The following PEBP1 variants were observed in gnomAD, a reference collection of about 807,000 sequenced individuals.
PEBP1 encodes phosphatidylethanolamine binding protein 1.
PEBP1 carries 17 observed loss-of-function variants against 22.7 expected under a neutral mutation model. The observed-to-expected ratio is 0.75, with a 90% CI of 0.51 to 1.12. PEBP1 has a LOEUF of 1.12. Ranked by LOEUF, PEBP1 falls within the 50% of genes most tolerant of loss-of-function variation. The probability of loss-of-function intolerance (pLI) is 0.00; values close to 1 mark genes in which losing one functional copy is unlikely to be tolerated. For synonymous variants in PEBP1, 106 were observed against 104.3 expected, an observed-to-expected ratio of 1.02 and a Z score of -0.10; for missense variants, 205 against 243.5, an observed-to-expected ratio of 0.84 and a Z score of 1.05.
At chr12:118,138,491 C>G (rs1335939311) in intron 2 of PEBP1, among the ~76,000 whole-genome samples, 1 of 152,044 alleles carries the variant, frequency 6.6e-6, no homozygotes, top group Admixed American at 6.6e-5. Context: ...CTCCACCTCC[C>G]AGGTTCAAGT....
chr12:118,144,240 A>G (rs1276118906), intron 3 of PEBP1, among the ~76,000 whole-genome samples: 1 of 151,890 alleles, frequency 6.6e-6, no homozygotes, highest in Non-Finnish European at 1.5e-5. Context: ...AGTGGGATGA[A>G]TGAAGAGCAC....
Position 118,136,970 on chromosome 12 carries a change from A to G in PEBP1, c.135+626A>G, listed in dbSNP as rs1020187684. 2.0e-5 allele frequency among the ~76,000 whole-genome samples: 3 copies of G among 152,178 alleles called. No homozygotes were observed. Among genetic ancestry groups the G allele is most frequent in the Admixed American group, 1.3e-4 (2 of 15,270 alleles). ...TTGCAGACGCCACTGCTAGTTGGTT[A>G]TGAAGCTCCGGGCAACAGCGTAAAA... On this transcript the variant is annotated intron_variant, in intron 1 of 3. Coordinates refer to ENST00000261313, the MANE Select transcript of PEBP1 (RefSeq NM_002567.4). This position sits in a 1 kb window ranked among gnomAD's most constrained non-coding sequence, Gnocchi z 5.6.
chr12:118,144,133 G>T (rs190999026), intron 3 of PEBP1, among the ~76,000 whole-genome samples: 2 of 152,226 alleles, frequency 1.3e-5, no homozygotes, highest in South Asian at 2.1e-4. Flanking sequence ...TCATTGATTT[G>T]CTTTGTCCTT....
Position 118,138,158 on chromosome 12 carries a change from G to A in PEBP1, c.245+10G>A, listed in dbSNP as rs762565513. The stretch of plus-strand genomic sequence containing the variant: ...AGGATCCCAAATACAGGTGAGAGGT[G>A]AGAAAGACGAGAAGAGCAGGTCATG... On this transcript the variant is annotated intron_variant, in intron 2 of 3. Coordinates refer to ENST00000261313, the MANE Select transcript of PEBP1 (RefSeq NM_002567.4). 6.5e-7 allele frequency: 1 copy of A among 1,545,886 alleles called. No homozygotes were observed. Among genetic ancestry groups the A allele is most frequent in the South Asian group, 1.1e-5 (1 of 89,100 alleles).
At chr12:118,139,897 T>C (rs1276705778) in intron 3 of PEBP1, among the ~76,000 whole-genome samples, 1 of 152,198 alleles carries the variant, frequency 6.6e-6, no homozygotes, top group Non-Finnish European at 1.5e-5. Context: ...CTCAAGCCTT[T>C]GCCCGGGGTG....
rs937606274 is a variant in PEBP1, at chr12:118,139,529, C to T, written c.324C>T (p.Gly108=). 15 of 1,612,504 alleles carry T rather than the reference C, an allele frequency of 9.3e-6. No individual in the cohort carries two copies. In the African/African-American group the frequency reaches 1.7e-4, roughly 19 times the overall value. ...GCACAGTCCTCTCCGATTATGTGGG[C>T]TCGGGGCCTCCCAAGGGCACAGGTT... is the stretch of plus-strand genomic sequence containing the variant. ...SSGTVLSDYV[G]SGPPKGTGLH... Residue 108 remains glycine, a synonymous_variant, in exon 3 of 4, where the codon GGC becomes GGT. Coordinates refer to ENST00000261313, the MANE Select transcript of PEBP1 (RefSeq NM_002567.4).
At chr12:118,140,782 C>T (rs1297198793) in intron 3 of PEBP1, among the ~76,000 whole-genome samples, 2 of 152,146 alleles carry the variant, frequency 1.3e-5, no homozygotes, top group Non-Finnish European at 2.9e-5. Flanking sequence ...TTGTGATCTA[C>T]CTGCCTCGGT....
At chr12:118,141,286 T>G (rs948635181) in intron 3 of PEBP1, among the ~76,000 whole-genome samples, 29 of 152,142 alleles carry the variant, frequency 1.9e-4, no homozygotes, top group Non-Finnish European at 5.9e-5. Flanking sequence ...CCAGCTAATT[T>G]TTGTATTTTT....
chr12:118,140,575 T>C (rs1015566215), intron 3 of PEBP1, among the ~76,000 whole-genome samples: 2 of 151,730 alleles, frequency 1.3e-5, no homozygotes, highest in Non-Finnish European at 2.9e-5. Context: ...AGTCTTGCTC[T>C]GTCTCCCAGG....
intron 3 of PEBP1, 94 bp downstream of exon 3, chr12:118,139,645 C>A: frequency 1.3e-6 from 1 of 748,474 alleles, no homozygotes; most frequent in Admixed American, 2.4e-5. Flanking sequence ...GCCCTTAACC[C>A]TGCTGGAAAT....
rs1329084577 is a variant in PEBP1, at chr12:118,136,456, C to T, written c.135+112C>T. On this transcript the variant is annotated intron_variant, in intron 1 of 3. Coordinates refer to ENST00000261313, the MANE Select transcript of PEBP1 (RefSeq NM_002567.4). The surrounding 1 kb of genome is among the most constrained non-coding windows in gnomAD (Gnocchi z 5.6). The stretch of plus-strand genomic sequence containing the variant: ...AGGGGCGGTGGGGAGGTTCAGCCTG[C>T]GTGTGTCGAGGCCCCCCCAGGCCAG... 3.1e-6 allele frequency: 4 copies of T among 1,297,330 alleles called. No individual in the cohort carries two copies. The highest frequency in any genetic ancestry group is 3.1e-5 in the African/African-American group (2 of 65,168). The allele number at this position is 1,297,330 out of a possible 1,614,324, so 80.4% of individuals were successfully genotyped here.
Position 118,136,200 on chromosome 12 carries a change from T to G in PEBP1, c.-10T>G, listed in dbSNP as rs1350133769. 9.7e-6 allele frequency: 15 copies of G among 1,544,286 alleles called. No individual in the cohort carries two copies. The highest frequency in any genetic ancestry group is 1.3e-5 in the Non-Finnish European group (15 of 1,146,408). ...GGCACTCCCGGCTGCACGCTCTGCT[T>G]GGCCTCGCCATGCCGGTGGACCTCA... On this transcript the variant is annotated 5_prime_UTR_variant, in exon 1 of 4. Coordinates refer to ENST00000261313, the MANE Select transcript of PEBP1 (RefSeq NM_002567.4). The surrounding 1 kb of genome is among the most constrained non-coding windows in gnomAD (Gnocchi z 5.6).
intron 3 of PEBP1, among the ~76,000 whole-genome samples, chr12:118,141,288 T>G (rs2034111792): frequency 6.6e-6 from 1 of 152,132 alleles, no homozygotes; most frequent in Non-Finnish European, 1.5e-5. Flanking sequence ...AGCTAATTTT[T>G]GTATTTTTAG....
chr12:118,138,181 A>G, intron 2 of PEBP1, 33 bp downstream of exon 2: 1 of 1,405,000 alleles, frequency 7.1e-7, no homozygotes. Context: ...AGAGCAGGTC[A>G]TGCAGAGATG....
chr12:118,138,254 C>A, intron 2 of PEBP1, 106 bp downstream of exon 2: 1 of 767,136 alleles, frequency 1.3e-6, no homozygotes, highest in Non-Finnish European at 2.2e-6. Context: ...GATGCCCCCA[C>A]CCATGCTTAA....
Position 118,144,602 on chromosome 12 carries a change from C to T in PEBP1, c.363C>T (p.Val121=). 1 of 1,613,496 alleles carries T rather than the reference C, an allele frequency of 6.2e-7. No individual in the cohort carries two copies. Among genetic ancestry groups the T allele is most frequent in the Middle Eastern group, 1.6e-4 (1 of 6,062 alleles). Residue 121 remains valine, a synonymous_variant, in exon 4 of 4, where the codon GTC becomes GTT. Coordinates refer to ENST00000261313, the MANE Select transcript of PEBP1 (RefSeq NM_002567.4). ...PPKGTGLHRY[V]WLVYEQDRPL... ...TCCCCACAGGCCTCCACCGCTATGT[C>T]TGGCTGGTTTACGAGCAGGACAGGC...
At position 118,136,263 on chromosome 12, in the gene PEBP1, C is replaced by T. The variant is rs910868114; in HGVS notation, c.54C>T (p.Asp18=). The change falls in exon 1 of 4, where the codon GAC becomes GAT. Residue 18 remains aspartate (D), a synonymous_variant. Coordinates refer to ENST00000261313, the MANE Select transcript of PEBP1 (RefSeq NM_002567.4). This position sits in a 1 kb window ranked among gnomAD's most constrained non-coding sequence, Gnocchi z 5.6. ...WSGPLSLQEV[D]EQPQHPLHVT... is the part of the protein sequence containing the mutation. ...GGCCCTTGAGCCTGCAAGAAGTGGA[C>T]GAGCAGCCGCAGCACCCGCTGCATG... 1.3e-6 allele frequency: 2 copies of T among 1,547,078 alleles called. No individual in the cohort carries two copies. Among genetic ancestry groups the T allele is most frequent in the East Asian group, 2.4e-5 (1 of 40,890 alleles).
At chr12:118,138,523 C>T (rs528112219) in intron 2 of PEBP1, among the ~76,000 whole-genome samples, 3 of 152,150 alleles carry the variant, frequency 2.0e-5, no homozygotes, top group Admixed American at 6.6e-5. Context: ...CTCAGCTAAC[C>T]GAGTAGCTGG....
In PEBP1 at chr12:118,136,342, C is replaced by T. The variant is rs1323448182; in HGVS notation, c.133C>T (p.Gln45Ter). 2.0e-5 allele frequency: 31 copies of T among 1,540,322 alleles called. No homozygotes were observed. The highest frequency in any genetic ancestry group is 2.5e-5 in the Non-Finnish European group (29 of 1,145,714). The change falls in exon 1 of 4, where the codon CAG (glutamine) becomes TAG (stop). Residue 45 changes from glutamine (Q) to a stop codon, truncating the protein, a stop_gained and splice_region_variant. Transcript: ENST00000261313. LOFTEE classifies it high-confidence loss of function. The surrounding 1 kb of genome is among the most constrained non-coding windows in gnomAD (Gnocchi z 5.6). ...GCTGGGCAAAGTGCTGACGCCCACC[C>T]AGGTACACCGGGCGGCGGGCGTGCA... is the stretch of plus-strand genomic sequence containing the variant. ...DELGKVLTPTQVKNRPTSISW... is the reference protein window; with the variant it reads ...DELGKVLTPT
Sources: gnomAD v4.1 joint callset for allele counts (sites outside exome capture counted in the v4.1 genomes callset) on GRCh38, gnomAD v4.1.1 for gene constraint, Gnocchi (gnomAD v3.1) non-coding constraint, MANE v1.5 for transcripts, NCBI Gene and HGNC (gene_info 2026-07-23, HGNC 2026-07-21) for gene names.